HTR3D: variants seen among roughly 807,000 people sequenced by gnomAD.
HTR3D encodes the protein 5-hydroxytryptamine (serotonin) receptor 3 family member D.
Under a neutral mutation model 45.8 loss-of-function variants are expected in HTR3D, and 47 were observed. The observed-to-expected ratio is 1.03, with a 90% CI of 0.81 to 1.31. The LOEUF is 1.31. Among genes scored for constraint, HTR3D ranks in the 50% most tolerant of loss-of-function variants. The pLI, the probability that HTR3D is intolerant of heterozygous loss-of-function variation, is 0.00. For missense variants in HTR3D, 448 were observed against 506.9 expected (o/e 0.88, Z 1.12); for synonymous variants, 203 against 199.8 (o/e 1.02, Z -0.13).
At chr3:184,033,089 C>CTAG in intron 1 of HTR3D, 1 of 1,426,912 alleles carries the variant, frequency 7.0e-7, no homozygotes, top group Non-Finnish European at 9.6e-7. Context: ...TTGCAGTGGT[C>CTAG]TAGTGGTGAG....
chr3:184,035,915 A>C, intron 2 of HTR3D, 100 bp from the exon 3 acceptor site: 1 of 1,214,018 alleles, frequency 8.2e-7, no homozygotes, highest in Non-Finnish European at 1.1e-6. Flanking sequence ...CTGGTCCTGA[A>C]CTCCTGACCT....
chr3:184,037,347 C>G (rs1429731671), intron 5 of HTR3D, among the ~76,000 whole-genome samples: 2 of 152,102 alleles, frequency 1.3e-5, no homozygotes, highest in Non-Finnish European at 2.9e-5. Context: ...CCTTTTGTCA[C>G]TTTTTTCACT....
Position 184,038,057 on chromosome 3 carries a change from G to A in HTR3D, c.553G>A (p.Val185Met), listed in dbSNP as rs764780360. Reference protein sequence around the residue: ...IRRRCRPSPYVVNFLVPSGIL... With the variant: ...IRRRCRPSPYMVNFLVPSGIL... Reference sequence around the variant, plus strand: ...GCGCAGGTGCAGGCCCAGCCCCTACGTGGTAAACTTTCTGGTGCCCAGTGG... The same window carrying A: ...GCGCAGGTGCAGGCCCAGCCCCTACATGGTAAACTTTCTGGTGCCCAGTGG... Residue 185 changes from valine (V) to methionine (M), a missense_variant, in exon 6 of 8, where the codon GTG (valine) becomes ATG (methionine). Physicochemically the swap from Val to Met is conservative, Grantham distance 21. Transcript: ENST00000428798. The surrounding 1 kb of genome is among the most constrained non-coding windows in gnomAD (Gnocchi z 4.5). The A allele has an allele frequency of 3.7e-5, 60 of 1,614,032 alleles. No homozygotes were observed. Among genetic ancestry groups the A allele is most frequent in the Admixed American group, 5.0e-5 (3 of 60,016 alleles).
chr3:184,037,193 C>A (rs1381512313), intron 5 of HTR3D, among the ~76,000 whole-genome samples: 2 of 152,090 alleles, frequency 1.3e-5, no homozygotes, highest in East Asian at 1.9e-4. Context: ...GGGCCCGCCA[C>A]CATGCCCGGC....
intron 1 of HTR3D, among the ~76,000 whole-genome samples, chr3:184,033,548 G>A (rs1218494063): frequency 2.6e-5 from 4 of 152,180 alleles, no homozygotes; most frequent in Admixed American, 6.5e-5. Context: ...TATGTTCAAT[G>A]TTACTAATAG....
At position 184,038,876 on chromosome 3, in the gene HTR3D, G is replaced by T. The variant is rs758348535; in HGVS notation, c.1116G>T (p.Trp372Cys). Residue 372 changes from tryptophan to cysteine, a missense_variant, in exon 8 of 8, where the codon TGG becomes TGT. Trp to Cys is a radical substitution (Grantham distance 215). Coordinates refer to ENST00000428798, the MANE Select transcript of HTR3D (RefSeq NM_001145143.1). This position sits in a 1 kb window ranked among gnomAD's most constrained non-coding sequence, Gnocchi z 4.5. ...EAQKQHSVEL[W>C]VQFSHAMDAL... ...AGAAGCAGCACTCGGTGGAGCTGTG[G>T]GTGCAGTTCAGCCACGCGATGGACG... 6.2e-7 allele frequency: 1 copy of T among 1,614,116 alleles called. No individual in the cohort carries two copies. Among genetic ancestry groups the T allele is most frequent in the Non-Finnish European group, 8.5e-7 (1 of 1,180,028 alleles).
At position 184,038,212 on chromosome 3, in the gene HTR3D, C is replaced by T; in HGVS notation, c.708C>T (p.Ala236=). Residue 236 remains alanine, a synonymous_variant, in exon 6 of 8, where the codon GCC becomes GCT. Transcript: ENST00000428798. This position sits in a 1 kb window ranked among gnomAD's most constrained non-coding sequence, Gnocchi z 4.5. ...TCATGATGAATGACTTGCTCCCAGC[C>T]ACTAGCACTTCATCACATGCTTCAC... The part of the protein sequence containing the change: ...FLLMMNDLLP[A]TSTSSHASLV... 6.2e-7 allele frequency: 1 copy of T among 1,614,196 alleles called. No individual in the cohort carries two copies. Among genetic ancestry groups the T allele is most frequent in the East Asian group, 2.2e-5 (1 of 44,894 alleles).
At chr3:184,032,067 C>G (rs1433747290) in intron 1 of HTR3D, among the ~76,000 whole-genome samples, 1 of 150,430 alleles carries the variant, frequency 6.6e-6, no homozygotes. Flanking sequence ...ATATCTCAGC[C>G]CATTGCAACC....
In HTR3D at chr3:184,038,343, T is replaced by C. The variant is rs770378058; in HGVS notation, c.770-66T>C. 20 of 1,612,358 alleles carry C rather than the reference T, an allele frequency of 1.2e-5. No individual in the cohort carries two copies. The Admixed American group carries it at 3.3e-4, about 27-fold the overall frequency. On this transcript the variant is annotated intron_variant, in intron 6 of 7. Coordinates refer to ENST00000428798, the MANE Select transcript of HTR3D (RefSeq NM_001145143.1). The surrounding 1 kb of genome is among the most constrained non-coding windows in gnomAD (Gnocchi z 4.5). ...GAAAAGGGATCCTGGAAAAAGATCC[T>C]CTGGGAAAGAAACAAGAAATTCTAG...
chr3:184,038,784 G>A lies in HTR3D; in HGVS notation c.1024G>A (p.Gly342Ser), dbSNP rs752252520. 15 of 1,612,336 alleles carry A rather than the reference G, an allele frequency of 9.3e-6. No individual in the cohort carries two copies. The Admixed American group carries it at 2.5e-4, about 27-fold the overall frequency. Reference sequence around the variant, plus strand: ...AGAGGTATCAGCAGGGCAGATGCCAGGCCCTGGGGAGGCAGAGCTGACAGG... The same window carrying A: ...AGAGGTATCAGCAGGGCAGATGCCAAGCCCTGGGGAGGCAGAGCTGACAGG... ...EPEVSAGQMP[G>S]PGEAELTGGS... Residue 342 changes from glycine to serine, a missense_variant, in exon 8 of 8, where the codon GGC becomes AGC. By Grantham distance (56) the Gly-to-Ser change is moderately conservative. Transcript: ENST00000428798. The surrounding 1 kb of genome is among the most constrained non-coding windows in gnomAD (Gnocchi z 4.5).
chr3:184,034,522 G>A (rs1190181590), intron 1 of HTR3D, among the ~76,000 whole-genome samples: 1 of 152,100 alleles, frequency 6.6e-6, no homozygotes, highest in African/African-American at 2.4e-5. Flanking sequence ...ACAACAGTGT[G>A]AATGTGTTTA....
At chr3:184,034,381 T>C (rs1229427214) in intron 1 of HTR3D, among the ~76,000 whole-genome samples, 3 of 152,222 alleles carry the variant, frequency 2.0e-5, no homozygotes, top group Non-Finnish European at 4.4e-5. Flanking sequence ...TCTAATTTTA[T>C]AGAGACAGAA....
intron 1 of HTR3D, among the ~76,000 whole-genome samples, 170 bp downstream of exon 1, chr3:184,031,977 A>G (rs568772017): frequency 6.8e-6 from 1 of 147,744 alleles, no homozygotes; most frequent in East Asian, 2.0e-4. Flanking sequence ...CCTAATATTT[A>G]GTTAACTCTT....
chr3:184,035,370 C>A, intron 2 of HTR3D, 148 bp downstream of exon 2: 1 of 788,106 alleles, frequency 1.3e-6, no homozygotes, highest in Non-Finnish European at 2.1e-6. Flanking sequence ...AAATACAAAA[C>A]TTTCTGATTA....
chr3:184,033,126 T>C (rs2108959150), intron 1 of HTR3D: 1 of 1,244,704 alleles, frequency 8.0e-7, no homozygotes, highest in Non-Finnish European at 1.1e-6. Context: ...TGGATTTTTT[T>C]TTTTTTTTTT....
At chr3:184,035,078 A>G in intron 1 of HTR3D, 100 bp from the exon 2 acceptor site, 1 of 1,532,068 alleles carries the variant, frequency 6.5e-7, no homozygotes, top group African/African-American at 1.4e-5. Context: ...AAAAATCATT[A>G]TTGCCACATG....
rs1286278275 is a variant in HTR3D, at chr3:184,033,083, A to G, written c.66+1276A>G. The stretch of plus-strand genomic sequence containing the variant: ...GTTGTAAGTCCTCACCCAACATTGC[A>G]GTGGTCTAGTGGTGAGCAGTGGACC... On this transcript the variant is annotated intron_variant, in intron 1 of 7. Coordinates refer to ENST00000428798, the MANE Select transcript of HTR3D (RefSeq NM_001145143.1). 2.7e-6 allele frequency: 4 copies of G among 1,495,352 alleles called. No individual in the cohort carries two copies. The East Asian group carries it at 9.9e-5, about 37-fold the overall frequency. The allele number at this position is 1,495,352 out of a possible 1,614,324, so 92.6% of individuals were successfully genotyped here.
chr3:184,036,721 G>T (rs1722907764), intron 4 of HTR3D, 27 bp from the exon 5 acceptor site: 2 of 1,552,622 alleles, frequency 1.3e-6, no homozygotes, highest in Admixed American at 3.9e-5. Context: ...GAGTCTTCTG[G>T]GCCTGCTTTG....
chr3:184,038,155 G>A lies in HTR3D; in HGVS notation c.651G>A (p.Met217Ile). The A allele has an allele frequency of 6.2e-7, 1 of 1,614,178 alleles. No individual in the cohort carries two copies. Among genetic ancestry groups the A allele is most frequent in the African/African-American group, 1.3e-5 (1 of 75,038 alleles). The change falls in exon 6 of 8, where the codon ATG becomes ATA. Residue 217 changes from methionine to isoleucine, a missense_variant. Coordinates refer to ENST00000428798, the MANE Select transcript of HTR3D (RefSeq NM_001145143.1). This position sits in a 1 kb window ranked among gnomAD's most constrained non-coding sequence, Gnocchi z 4.5. The stretch of plus-strand genomic sequence containing the variant: ...GTGGGAATTGTGCCCCATTCAAGAT[G>A]ACTGTTCTGCTGGGCTACAGCGTCT... ...LESGNCAPFK[M>I]TVLLGYSVFL...
Sources: gnomAD v4.1 joint callset for allele counts (sites outside exome capture counted in the v4.1 genomes callset) on GRCh38, gnomAD v4.1.1 for gene constraint, Gnocchi (gnomAD v3.1) non-coding constraint, MANE v1.5 for transcripts, NCBI Gene and HGNC (gene_info 2026-07-23, HGNC 2026-07-21) for gene names.